Variants in TLK1 observed in about 807,000 individuals in gnomAD.
The protein encoded by TLK1 is tousled like kinase 1.
TLK1 carries 24 observed loss-of-function variants against 105.3 expected under a neutral mutation model. The observed-to-expected ratio is 0.23, with a 90% CI of 0.17 to 0.32. TLK1 has a LOEUF of 0.32. TLK1 is among the 10% of genes least tolerant of loss of function. TLK1 has a pLI of 1.00. For missense variants in TLK1, 558 were observed against 910.5 expected, an observed-to-expected ratio of 0.61 and a Z score of 4.98; for synonymous variants, 321 against 310.4, an observed-to-expected ratio of 1.03 and a Z score of -0.36.
intron 1 of TLK1, among the ~76,000 whole-genome samples, chr2:171,136,311 T>TAGGGGCAG (rs1691322106): frequency 6.6e-6 from 1 of 152,194 alleles, no homozygotes; most frequent in South Asian, 2.1e-4. Flanking sequence ...TGCTGGGGCC[T>TAGGGGCAG]AGGGGCAGAG....
chr2:171,160,336 G>GGCCGCC lies in TLK1; in HGVS notation c.87_92dup (p.Ala30_Ala31dup). 1 of 1,603,964 alleles carries GGCCGCC rather than the reference G, an allele frequency of 6.2e-7. No individual in the cohort carries two copies. Among genetic ancestry groups the GGCCGCC allele is most frequent in the Non-Finnish European group, 8.5e-7 (1 of 1,176,156 alleles). ...GCGGCGTGTGATTCAGCAGGGACCT[G>GGCCGCC]GCCGCCGCCGCCGAGCCCGGGGTTG... is the stretch of plus-strand genomic sequence containing the variant. On this transcript the variant is annotated inframe_insertion, in exon 1 of 21. Coordinates refer to ENST00000431350, the MANE Select transcript of TLK1 (RefSeq NM_012290.5). This position sits in a 1 kb window ranked among gnomAD's most constrained non-coding sequence, Gnocchi z 4.4.
intron 18 of TLK1, among the ~76,000 whole-genome samples, chr2:171,004,982 C>A (rs1009017153): frequency 8.5e-5 from 13 of 152,162 alleles, no homozygotes; most frequent in African/African-American, 2.9e-4. Flanking sequence ...TATGACTAAT[C>A]CCTGCTCATT....
Position 171,110,026 on chromosome 2 carries a change from A to G in TLK1, c.258+7713T>C, listed in dbSNP as rs561274496. ...AAAGGGGCAGAAGAAAACTCTCTGG[A>G]GGGATGGAAGTGTTCTATATTTTGT... On this transcript the variant is annotated intron_variant, in intron 2 of 20. Transcript: ENST00000431350. Among the ~76,000 whole-genome samples the G allele has an allele frequency of 2.6e-5, 4 of 152,360 alleles. No homozygotes were observed. The East Asian group carries it at 7.7e-4, about 29-fold the overall frequency.
At chr2:171,134,945 A>G (rs1239048476) in intron 1 of TLK1, among the ~76,000 whole-genome samples, 1 of 152,032 alleles carries the variant, frequency 6.6e-6, no homozygotes, top group East Asian at 1.9e-4. Flanking sequence ...TTGAAACAAC[A>G]TGGATGAACT....
intron 1 of TLK1, among the ~76,000 whole-genome samples, chr2:171,204,108 T>A (rs1693455723): frequency 6.6e-6 from 1 of 152,304 alleles, no homozygotes; most frequent in Non-Finnish European, 1.5e-5. Flanking sequence ...GTTAAACATT[T>A]AAGTAAGCAT....
intron 4 of TLK1, among the ~76,000 whole-genome samples, chr2:171,059,386 T>C (rs1046529677): frequency 1.3e-5 from 2 of 152,240 alleles, no homozygotes; most frequent in African/African-American, 4.8e-5. Flanking sequence ...CAGAGGAAGC[T>C]GACTCCTATA....
intron 2 of TLK1, 33 bp downstream of exon 2, chr2:171,117,706 A>G (rs140137667): frequency 6.6e-7 from 1 of 1,523,318 alleles, no homozygotes; most frequent in Non-Finnish European, 9.1e-7. Context: ...ATAGAAAGAA[A>G]GACTGTCAAA....
intron 2 of TLK1, among the ~76,000 whole-genome samples, chr2:171,114,654 G>A (rs148175570): frequency 3.9e-5 from 6 of 152,230 alleles, no homozygotes; most frequent in African/African-American, 1.4e-4. Context: ...GGGCAACAAG[G>A]TGAAACCTCT....
chr2:171,007,318 G>C (rs1684693039), intron 14 of TLK1, among the ~76,000 whole-genome samples: 1 of 151,814 alleles, frequency 6.6e-6, no homozygotes, highest in Non-Finnish European at 1.5e-5. Flanking sequence ...CCAATATACT[G>C]AATAAAAATA....
Position 171,046,264 on chromosome 2 carries a change from G to A in TLK1, c.1079C>T (p.Pro360Leu), listed in dbSNP as rs1686958181. The A allele has an allele frequency of 5.0e-6, 8 of 1,613,540 alleles. No homozygotes were observed. The highest frequency in any genetic ancestry group is 6.8e-6 in the Non-Finnish European group (8 of 1,179,690). ...KPPTANNSQA[P>L]STNSEPKQRK... ...TTGTTTTGGTTCAGAATTGGTAGAG[G>A]GTGCCTGAGAATTATTAGCTGTGGG... Residue 360 changes from proline (P) to leucine (L), a missense_variant, in exon 11 of 21, where the codon CCC becomes CTC. Around this residue, in one of 5 missense-constraint regions of TLK1, gnomAD observed 218 missense variants for 492.9 expected, o/e 0.44. Coordinates refer to ENST00000431350, the MANE Select transcript of TLK1 (RefSeq NM_012290.5).
chr2:171,159,059 A>T (rs1029612694), intron 1 of TLK1, among the ~76,000 whole-genome samples: 2 of 152,074 alleles, frequency 1.3e-5, no homozygotes, highest in African/African-American at 4.8e-5. Context: ...CAGGGCACAA[A>T]ACACTTGATT....
intron 11 of TLK1, among the ~76,000 whole-genome samples, chr2:171,036,904 T>TA (rs1421471479): frequency 3.3e-5 from 5 of 152,136 alleles, no homozygotes. Context: ...GTAAACAGAA[T>TA]AATGGTTTTC....
At chr2:171,116,229 A>G (rs1445549470) in intron 2 of TLK1, among the ~76,000 whole-genome samples, 2 of 152,238 alleles carry the variant, frequency 1.3e-5, no homozygotes, top group Non-Finnish European at 2.9e-5. Flanking sequence ...AGTAAGAGAC[A>G]TATGACAAAG....
intron 3 of TLK1, among the ~76,000 whole-genome samples, chr2:171,082,030 T>TACACAC (rs3084370): frequency 0.044 from 6,470 of 146,666 alleles, 195 homozygotes; most frequent in African/African-American, 0.081. Context: ...ACGGGAAAAA[T>TACACAC]ACACACACAC....
intron 1 of TLK1, among the ~76,000 whole-genome samples, chr2:171,120,197 C>T (rs556068624): frequency 4.5e-5 from 6 of 134,218 alleles, no homozygotes; most frequent in Admixed American, 8.6e-5. Context: ...TGCAGTGAAT[C>T]GAGGTCGTAC....
chr2:171,225,470 C>A (rs941771215), intron 1 of TLK1, among the ~76,000 whole-genome samples: 2 of 152,044 alleles, frequency 1.3e-5, no homozygotes, highest in African/African-American at 4.8e-5. Context: ...AGGAAAAAGG[C>A]AAGTGTCAGC....
At chr2:171,109,356 A>G (rs1391868576) in intron 2 of TLK1, among the ~76,000 whole-genome samples, 2 of 152,260 alleles carry the variant, frequency 1.3e-5, no homozygotes, top group African/African-American at 2.4e-5. Context: ...TAAAAAGGAA[A>G]CAAAGGTAAT....
At chr2:171,062,053 C>T (rs1199499189) in intron 3 of TLK1, among the ~76,000 whole-genome samples, 1 of 152,194 alleles carries the variant, frequency 6.6e-6, no homozygotes, top group Admixed American at 6.5e-5. Flanking sequence ...TTCCAAATGA[C>T]ATGTGTGTTC....
chr2:171,227,734 C>A (rs1490638437), intron 1 of TLK1, among the ~76,000 whole-genome samples: 1 of 151,834 alleles, frequency 6.6e-6, no homozygotes, highest in Admixed American at 6.6e-5. Context: ...AGTCAGTAAA[C>A]CAGAAACACA....
Sources: allele counts gnomAD v4.1 joint callset (sites outside exome capture counted in the v4.1 genomes callset), GRCh38; gene constraint gnomAD v4.1.1; regional missense constraint gnomAD v4.1.1; non-coding constraint Gnocchi (gnomAD v3.1); transcripts MANE v1.5; gene names NCBI Gene and HGNC (gene_info 2026-07-23, HGNC 2026-07-21).